EYS: variants seen among roughly 807,000 people sequenced by gnomAD.
The protein encoded by EYS is EGF-like photoreceptor maintenance factor, also known as protein eyes shut homolog.
In EYS, 250 loss-of-function variants were observed where a neutral mutation model predicts 282.1. The ratio of observed to expected loss-of-function variants is 0.89; its 90% CI spans 0.80 to 0.98. EYS has a LOEUF of 0.98. Among genes scored for constraint, EYS ranks in the 50% least tolerant of loss-of-function variants. EYS has a pLI of 0.00. For synonymous variants in EYS, 1,355 were observed against 1,282.9 expected, an observed-to-expected ratio of 1.06 and a Z score of -1.20; for missense variants, 4,016 against 3,709.0, an observed-to-expected ratio of 1.08 and a Z score of -2.15.
At chr6:65,221,697 A>T (rs777867196) in intron 12 of EYS, among the ~76,000 whole-genome samples, 4 of 152,180 alleles carry the variant, frequency 2.6e-5, no homozygotes, top group Non-Finnish European at 4.4e-5. Flanking sequence ...AGATGTGAGA[A>T]AAGGGCCACT....
At chr6:64,365,134 C>A (rs562599226) in intron 29 of EYS, among the ~76,000 whole-genome samples, 2 of 151,946 alleles carry the variant, frequency 1.3e-5, no homozygotes, top group East Asian at 3.9e-4. Flanking sequence ...ACAAAAGATT[C>A]TTTTCAACTG....
intron 1 of EYS, among the ~76,000 whole-genome samples, chr6:65,653,741 C>A (rs887448176): frequency 1.3e-5 from 2 of 151,758 alleles, no homozygotes; most frequent in Non-Finnish European, 2.9e-5. Context: ...TTGACATAGC[C>A]GAAGAGTGGT....
At chr6:65,216,291 G>T (rs996697659) in intron 12 of EYS, among the ~76,000 whole-genome samples, 3 of 151,620 alleles carry the variant, frequency 2.0e-5, no homozygotes, top group African/African-American at 7.3e-5. Flanking sequence ...GTGAAGTGTG[G>T]GTTCTGTACA....
intron 12 of EYS, among the ~76,000 whole-genome samples, chr6:65,227,851 A>C (rs1360732905): frequency 1.3e-5 from 2 of 152,150 alleles, no homozygotes; most frequent in Non-Finnish European, 2.9e-5. Flanking sequence ...TTCTACTTAT[A>C]TAATGTATAA....
intron 22 of EYS, among the ~76,000 whole-genome samples, chr6:64,732,085 C>G (rs1372770142): frequency 1.3e-5 from 2 of 152,080 alleles, no homozygotes; most frequent in Non-Finnish European, 2.9e-5. Context: ...ACCACATGTT[C>G]TCACTCATAA....
intron 8 of EYS, among the ~76,000 whole-genome samples, chr6:65,354,187 T>G (rs1306532551): frequency 6.6e-6 from 1 of 152,122 alleles, no homozygotes; most frequent in Non-Finnish European, 1.5e-5. Flanking sequence ...TCACTAAGTT[T>G]TAGTACATGC....
Position 64,922,143 on chromosome 6 carries a change from A to G in EYS, c.2382-9400T>C, listed in dbSNP as rs566056589. ...GCTACTGTTATTCACTGGGGTGACG[A>G]AAAATAAATCCATTCTCCCTCTCTC... On this transcript the variant is annotated intron_variant, in intron 15 of 42. Coordinates refer to ENST00000503581, the MANE Select transcript of EYS (RefSeq NM_001142800.2). Among the ~76,000 whole-genome samples the G allele has an allele frequency of 2.0e-5, 3 of 152,286 alleles. No individual in the cohort carries two copies. The East Asian group carries it at 5.8e-4, about 29-fold the overall frequency.
chr6:64,588,096 C>A (rs1766291390), intron 26 of EYS, among the ~76,000 whole-genome samples: 1 of 151,806 alleles, frequency 6.6e-6, no homozygotes, highest in African/African-American at 2.4e-5. Context: ...ATTTGCTCAA[C>A]AAATAAGATG....
At chr6:65,496,285 G>A (rs1180764489) in intron 2 of EYS, among the ~76,000 whole-genome samples, 1 of 151,986 alleles carries the variant, frequency 6.6e-6, no homozygotes, top group Non-Finnish European at 1.5e-5. Context: ...TAAGTTAAAT[G>A]GTAGTAACTG....
intron 2 of EYS, among the ~76,000 whole-genome samples, chr6:65,552,295 T>C (rs1431921537): frequency 4.6e-5 from 7 of 152,182 alleles, no homozygotes; most frequent in Admixed American, 4.6e-4. Flanking sequence ...TTGGAACTTT[T>C]TCAGTGACCC....
intron 22 of EYS, among the ~76,000 whole-genome samples, chr6:64,769,812 G>A (rs1048116647): frequency 9.2e-5 from 14 of 152,050 alleles, no homozygotes; most frequent in African/African-American, 2.9e-4. Context: ...CAGCATTGGT[G>A]GAGGTTAAGG....
At chr6:64,630,457 G>A (rs1039833593) in intron 22 of EYS, among the ~76,000 whole-genome samples, 2 of 152,006 alleles carry the variant, frequency 1.3e-5, no homozygotes, top group African/African-American at 4.8e-5. Context: ...AGTGATTTTT[G>A]TGCATCCATT....
intron 12 of EYS, among the ~76,000 whole-genome samples, chr6:65,170,070 A>G (rs1306318019): frequency 6.6e-6 from 1 of 151,596 alleles, no homozygotes; most frequent in Non-Finnish European, 1.5e-5. Context: ...ATGGTGCTAT[A>G]AAATAATTAT....
chr6:64,516,380 C>G (rs957722209), intron 26 of EYS, among the ~76,000 whole-genome samples: 20 of 151,666 alleles, frequency 1.3e-4, no homozygotes, highest in Non-Finnish European at 2.4e-4. Flanking sequence ...GAAATAATCT[C>G]TACAAAAAAC....
chr6:64,681,424 G>A (rs1005899105), intron 22 of EYS, among the ~76,000 whole-genome samples: 10 of 152,074 alleles, frequency 6.6e-5, no homozygotes, highest in Admixed American at 5.9e-4. Context: ...TAAAAGATGA[G>A]GGGGGAAAAT....
At chr6:65,469,222 A>C (rs1765117804) in intron 5 of EYS, among the ~76,000 whole-genome samples, 1 of 151,994 alleles carries the variant, frequency 6.6e-6, no homozygotes, top group Admixed American at 6.6e-5. Flanking sequence ...TATATAATAC[A>C]TCAAATTTTA....
At chr6:64,278,425 G>A (rs931611061) in intron 30 of EYS, among the ~76,000 whole-genome samples, 1 of 151,968 alleles carries the variant, frequency 6.6e-6, no homozygotes, top group East Asian at 1.9e-4. Context: ...ATATGACAAT[G>A]ATCATTCTGC....
At chr6:65,431,920 T>A (rs1767903305) in intron 5 of EYS, among the ~76,000 whole-genome samples, 1 of 152,178 alleles carries the variant, frequency 6.6e-6, no homozygotes, top group Non-Finnish European at 1.5e-5. Context: ...AGGCTTGTAT[T>A]TGACAATGTT....
At chr6:64,821,798 T>A in intron 20 of EYS, 75 bp from the exon 21 acceptor site, 2 of 875,758 alleles carry the variant, frequency 2.3e-6, no homozygotes, top group Non-Finnish European at 3.5e-6. Context: ...TTTCACCATT[T>A]AAACTTTTCT....
Sources: gnomAD v4.1 joint callset for allele counts (sites outside exome capture counted in the v4.1 genomes callset) on GRCh38, gnomAD v4.1.1 for gene constraint, MANE v1.5 for transcripts, NCBI Gene and HGNC (gene_info 2026-07-23, HGNC 2026-07-21) for gene names.